Variants in ARHGAP18 observed in about 807,000 individuals in gnomAD.
The protein encoded by ARHGAP18 is Rho GTPase activating protein 18, also known as rho GTPase-activating protein 18.
A neutral mutation model predicts 86.2 loss-of-function variants in ARHGAP18; 67 were observed. The ratio of observed to expected loss-of-function variants is 0.78; its 90% CI spans 0.64 to 0.95. The LOEUF is 0.95. Ranked by LOEUF, ARHGAP18 falls within the 40% of genes least tolerant of loss-of-function variation. ARHGAP18 has a pLI of 0.00. For synonymous variants in ARHGAP18, 283 were observed against 280.4 expected (o/e 1.01, Z -0.09); for missense variants, 691 against 780.4 (o/e 0.89, Z 1.37).
intron 1 of ARHGAP18, among the ~76,000 whole-genome samples, chr6:129,672,267 G>A (rs1482012874): frequency 6.6e-6 from 1 of 152,170 alleles, no homozygotes; most frequent in African/African-American, 2.4e-5. Flanking sequence ...GGTACATCAA[G>A]TCTCACTAAT....
intron 1 of ARHGAP18, among the ~76,000 whole-genome samples, chr6:129,652,969 T>C (rs9375648): frequency 0.43 from 66,007 of 152,010 alleles, 14,641 homozygotes; most frequent in African/African-American, 0.53. Context: ...TATAACTTTC[T>C]ATGCTAATAA....
At position 129,612,381 on chromosome 6, in the gene ARHGAP18, C is replaced by T. The variant is rs1788997618; in HGVS notation, c.1045-771G>A. ...TTTTAAGAAAATCAGTTTTCCTGTC[C>T]TCAGTTTGAATATAAGGCATTTCCT... On this transcript the variant is annotated intron_variant, in intron 7 of 14. Transcript: ENST00000368149. Among the ~76,000 whole-genome samples the T allele has an allele frequency of 2.6e-5, 4 of 152,254 alleles. No individual in the cohort carries two copies. In the South Asian group the frequency reaches 8.3e-4, roughly 32 times the overall value.
chr6:129,600,039 A>C (rs904357626), intron 11 of ARHGAP18, among the ~76,000 whole-genome samples: 34 of 152,014 alleles, frequency 2.2e-4, no homozygotes, highest in African/African-American at 7.2e-4. Context: ...AAATATCATC[A>C]CTCTGTCTTT....
At chr6:129,701,631 G>A (rs550959019) in intron 1 of ARHGAP18, among the ~76,000 whole-genome samples, 25 of 152,196 alleles carry the variant, frequency 1.6e-4, no homozygotes, top group Admixed American at 9.2e-4. Context: ...TTAGCCAGGC[G>A]TAGTGGCAGG....
chr6:129,699,436 G>A (rs1465031613), intron 1 of ARHGAP18, among the ~76,000 whole-genome samples: 1 of 152,146 alleles, frequency 6.6e-6, no homozygotes, highest in Non-Finnish European at 1.5e-5. Context: ...GTCTGGAGAG[G>A]CAACAAAGAA....
intron 1 of ARHGAP18, among the ~76,000 whole-genome samples, chr6:129,681,861 C>T (rs987930399): frequency 1.3e-5 from 2 of 152,180 alleles, no homozygotes; most frequent in Non-Finnish European, 2.9e-5. Context: ...ATCCCTTCTT[C>T]TTCATTTATT....
intron 12 of ARHGAP18, among the ~76,000 whole-genome samples, chr6:129,594,760 G>A (rs372183800): frequency 5.9e-5 from 9 of 152,244 alleles, no homozygotes; most frequent in African/African-American, 1.9e-4. Flanking sequence ...GTATCCACAT[G>A]TTGCAGGGTT....
In ARHGAP18 at chr6:129,600,677, G is replaced by A; in HGVS notation, c.1537C>T (p.His513Tyr). ...AGTTTTTGGTACTTAATCAATAAGT[G>A]CATGGTATTTGCTGTCCCAGCTGCC... ...VMAAGTANTM[H>Y]LLIKYQKLLW... Residue 513 changes from histidine to tyrosine, a missense_variant, in exon 11 of 15, where the codon CAC (histidine) becomes TAC (tyrosine). Transcript: ENST00000368149. 1 of 1,613,616 alleles carries A rather than the reference G, an allele frequency of 6.2e-7. No individual in the cohort carries two copies. The highest frequency in any genetic ancestry group is 2.2e-5 in the East Asian group (1 of 44,844).
At chr6:129,676,064 A>G (rs956886853) in intron 1 of ARHGAP18, among the ~76,000 whole-genome samples, 1 of 152,234 alleles carries the variant, frequency 6.6e-6, no homozygotes, top group African/African-American at 2.4e-5. Context: ...TTGATCCATT[A>G]TATCAAGTGT....
chr6:129,625,191 A>G (rs547852673), intron 5 of ARHGAP18, among the ~76,000 whole-genome samples: 1,271 of 93,490 alleles, frequency 0.014, 216 homozygotes, highest in Non-Finnish European at 0.018. Context: ...TATATTATAT[A>G]TGATATATAT....
chr6:129,633,310 C>T (rs559824937), intron 4 of ARHGAP18, among the ~76,000 whole-genome samples: 4 of 151,188 alleles, frequency 2.6e-5, no homozygotes, highest in South Asian at 4.2e-4. Flanking sequence ...TGGCACATGC[C>T]TGTAATCCCA....
intron 10 of ARHGAP18, among the ~76,000 whole-genome samples, chr6:129,602,556 G>GAC (rs1268191458): frequency 2.6e-5 from 4 of 152,046 alleles, no homozygotes; most frequent in Non-Finnish European, 1.5e-5. Context: ...CTGCTATATA[G>GAC]ACCTTGAAAC....
intron 5 of ARHGAP18, among the ~76,000 whole-genome samples, chr6:129,619,861 C>T (rs1789191309): frequency 6.6e-6 from 1 of 151,776 alleles, no homozygotes; most frequent in Admixed American, 6.6e-5. Context: ...GCATGGACTT[C>T]AGAGCTTACC....
intron 7 of ARHGAP18, 91 bp from the exon 8 acceptor site, chr6:129,611,701 A>G: frequency 9.4e-7 from 1 of 1,069,460 alleles, no homozygotes; most frequent in Non-Finnish European, 1.4e-6. Flanking sequence ...AATAAAACTG[A>G]TTACAATGAC....
rs1023276017 is a variant in ARHGAP18 at position 129,584,087 on chromosome 6, C to G, written c.1739G>C (p.Arg580Pro). Reference protein sequence around the residue: ...NDADVPQGVIRVQAPHLSKVS... With the variant: ...NDADVPQGVIPVQAPHLSKVS... Reference sequence around the variant, plus strand: ...TTTCGAAAGATGGGGAGCTTGCACTCGAATCACTCCCTGAGGAACGTCAGC... The same window carrying G: ...TTTCGAAAGATGGGGAGCTTGCACTGGAATCACTCCCTGAGGAACGTCAGC... The change falls in exon 13 of 15, where the codon CGA becomes CCA. Residue 580 changes from arginine (R) to proline (P), a missense_variant. Physicochemically the swap from Arg to Pro is moderately radical, Grantham distance 103. Transcript: ENST00000368149. 1 of 1,613,562 alleles carries G rather than the reference C, an allele frequency of 6.2e-7. No individual in the cohort carries two copies. Among genetic ancestry groups the G allele is most frequent in the Non-Finnish European group, 8.5e-7 (1 of 1,179,708 alleles).
chr6:129,619,555 G>T (rs1222146006), intron 5 of ARHGAP18, among the ~76,000 whole-genome samples: 1 of 102,342 alleles, frequency 9.8e-6, no homozygotes. Context: ...GAAAAGGAAG[G>T]GGAGTGGGCA....
chr6:129,646,361 T>C (rs1009039044), intron 1 of ARHGAP18, among the ~76,000 whole-genome samples: 1 of 152,108 alleles, frequency 6.6e-6, no homozygotes, highest in African/African-American at 2.4e-5. Flanking sequence ...GTCCCCTAGG[T>C]AAATTTGTGC....
intron 1 of ARHGAP18, among the ~76,000 whole-genome samples, chr6:129,702,345 G>A (rs1000625684): frequency 5.3e-5 from 8 of 152,224 alleles, no homozygotes; most frequent in Middle Eastern, 3.4e-3. Flanking sequence ...CCTAATCCAT[G>A]CCCAATACCC....
chr6:129,632,418 T>TCCCTGGC (rs1773237088), intron 4 of ARHGAP18, among the ~76,000 whole-genome samples: 1 of 152,210 alleles, frequency 6.6e-6, no homozygotes, highest in Non-Finnish European at 1.5e-5. Context: ...CTTTTGTTGA[T>TCCCTGGC]ATAGCCTACA....
Sources: gnomAD v4.1 joint callset for allele counts (sites outside exome capture counted in the v4.1 genomes callset) on GRCh38, gnomAD v4.1.1 for gene constraint, MANE v1.5 for transcripts, NCBI Gene and HGNC (gene_info 2026-07-23, HGNC 2026-07-21) for gene names.